SCG5: variants seen among roughly 807,000 people sequenced by gnomAD.
SCG5 encodes the protein neuroendocrine protein 7B2.
Under a neutral mutation model 25.7 loss-of-function variants are expected in SCG5, and 18 were observed. The observed-to-expected ratio is 0.70, with a 90% confidence interval of 0.48 to 1.04. SCG5 has a LOEUF of 1.04. SCG5 is among the 50% of genes least tolerant of loss of function. SCG5 has a pLI of 0.00. For missense variants in SCG5, 206 were observed against 259.8 expected, an observed-to-expected ratio of 0.79 and a Z score of 1.42; for synonymous variants, 101 against 91.7, an observed-to-expected ratio of 1.10 and a Z score of -0.58.
At chr15:32,684,203 T>A (rs1391793861) in intron 3 of SCG5, among the ~76,000 whole-genome samples, 1 of 152,196 alleles carries the variant, frequency 6.6e-6, no homozygotes, top group African/African-American at 2.4e-5. Context: ...GTATTTCAAT[T>A]CCAGGCCTGG....
chr15:32,683,030 T>C (rs1447766326), intron 3 of SCG5, among the ~76,000 whole-genome samples: 1 of 152,220 alleles, frequency 6.6e-6, no homozygotes, highest in Non-Finnish European at 1.5e-5. Flanking sequence ...CATATGCAGA[T>C]TGCCTGAACT....
chr15:32,673,184 G>A (rs2054468650), intron 2 of SCG5: 1 of 152,136 alleles, frequency 6.6e-6, no homozygotes, highest in African/African-American at 2.4e-5. Flanking sequence ...CTTGCAAAGT[G>A]TGAGCAAGTG....
intron 2 of SCG5, among the ~76,000 whole-genome samples, chr15:32,666,121 G>A (rs994114671): frequency 2.0e-5 from 3 of 152,096 alleles, no homozygotes; most frequent in South Asian, 2.1e-4. Flanking sequence ...TCTTTTCCCC[G>A]AATGTTTCTT....
At chr15:32,694,762 A>T (rs1162518746) in intron 5 of SCG5, among the ~76,000 whole-genome samples, 1 of 152,270 alleles carries the variant, frequency 6.6e-6, no homozygotes, top group East Asian at 1.9e-4. Context: ...TTTGTGATGC[A>T]TCTTTGTAGA....
At position 32,688,843 on chromosome 15, in the gene SCG5, C is replaced by A. The variant is rs867229130; in HGVS notation, c.490-2867C>A. The stretch of plus-strand genomic sequence containing the variant: ...GCGCGGTGGCGGGTGCCTGTAGTCC[C>A]AGCTACTTGGGAGGCTGAGGCAGGA... On this transcript the variant is annotated intron_variant, in intron 4 of 5. Transcript: ENST00000300175. Among the ~76,000 whole-genome samples the A allele has an allele frequency of 3.1e-4, 47 of 151,658 alleles. 1 individual carries two copies. In the Middle Eastern group the frequency reaches 0.01, roughly 33 times the overall value.
At chr15:32,665,375 T>A (rs972497714) in intron 2 of SCG5, among the ~76,000 whole-genome samples, 10 of 152,194 alleles carry the variant, frequency 6.6e-5, no homozygotes, top group African/African-American at 1.2e-4. Flanking sequence ...TTTTTTTTTT[T>A]ATTTGTTTGT....
At chr15:32,672,612 G>A (rs1364716835) in intron 2 of SCG5, among the ~76,000 whole-genome samples, 1 of 137,182 alleles carries the variant, frequency 7.3e-6, no homozygotes, top group African/African-American at 2.5e-5. Flanking sequence ...ACCCCGACAG[G>A]TCATTCTACT....
At chr15:32,678,037 T>C (rs1225984205) in intron 2 of SCG5, among the ~76,000 whole-genome samples, 1 of 152,204 alleles carries the variant, frequency 6.6e-6, no homozygotes, top group Non-Finnish European at 1.5e-5. Flanking sequence ...GGTGGGATAA[T>C]TGATTAACTG....
At chr15:32,680,966 C>T (rs530014112) in intron 3 of SCG5, among the ~76,000 whole-genome samples, 8 of 152,294 alleles carry the variant, frequency 5.3e-5, no homozygotes, top group African/African-American at 1.2e-4. Flanking sequence ...TTAACCACTT[C>T]GTACCTCAAT....
intron 5 of SCG5, among the ~76,000 whole-genome samples, chr15:32,693,714 T>C (rs554756638): frequency 7.2e-5 from 11 of 152,340 alleles, no homozygotes; most frequent in Admixed American, 7.2e-4. Context: ...GTTCTTCCAG[T>C]TGTGAAATGG....
At chr15:32,663,076 T>TATAA (rs1555434465) in intron 2 of SCG5, among the ~76,000 whole-genome samples, 8 of 57,104 alleles carry the variant, frequency 1.4e-4, no homozygotes, top group Non-Finnish European at 3.2e-4. Flanking sequence ...TATATATATA[T>TATAA]ATAATATATA....
chr15:32,663,704 T>C (rs531408141), intron 2 of SCG5, among the ~76,000 whole-genome samples: 124 of 152,218 alleles, frequency 8.1e-4, no homozygotes, highest in African/African-American at 2.9e-3. Flanking sequence ...TTTTTTTCAG[T>C]GCCACCAGTG....
chr15:32,671,804 C>T (rs1028441875), intron 2 of SCG5, among the ~76,000 whole-genome samples: 2 of 152,282 alleles, frequency 1.3e-5, no homozygotes, highest in South Asian at 2.1e-4. Flanking sequence ...TGCCTGCGGC[C>T]GGTGTCGCCT....
intron 2 of SCG5, among the ~76,000 whole-genome samples, chr15:32,649,957 T>C (rs1464927795): frequency 6.6e-6 from 1 of 152,074 alleles, no homozygotes; most frequent in East Asian, 1.9e-4. Context: ...AAAATAAAAA[T>C]AAAATAAAAT....
chr15:32,663,032 AATATATATATATATATATAT>A (rs67571496), intron 2 of SCG5, among the ~76,000 whole-genome samples: 2,323 of 79,256 alleles, frequency 0.029, 129 homozygotes, highest in African/African-American at 0.061. Context: ...AAAAAAAAAG[AATATATATATATATATATAT>A]ATATATATAT....
intron 2 of SCG5, among the ~76,000 whole-genome samples, chr15:32,667,552 C>G (rs1430744792): frequency 6.6e-6 from 1 of 152,268 alleles, no homozygotes; most frequent in Non-Finnish European, 1.5e-5. Flanking sequence ...TCACTGTCCA[C>G]ACAGCTTTGT....
chr15:32,683,028 G>T (rs1238846130), intron 3 of SCG5, among the ~76,000 whole-genome samples: 5 of 152,214 alleles, frequency 3.3e-5, no homozygotes, highest in Non-Finnish European at 7.3e-5. Flanking sequence ...GCCATATGCA[G>T]ATTGCCTGAA....
chr15:32,647,994 G>A (rs765728079), intron 2 of SCG5, among the ~76,000 whole-genome samples: 5 of 151,904 alleles, frequency 3.3e-5, no homozygotes, highest in African/African-American at 1.2e-4. Context: ...TGGTGACTCC[G>A]GTGTTTGTAT....
chr15:32,670,053 C>T (rs1424130561), intron 2 of SCG5, among the ~76,000 whole-genome samples: 2 of 152,214 alleles, frequency 1.3e-5, no homozygotes, highest in Non-Finnish European at 2.9e-5. Flanking sequence ...TCTGCCTTCA[C>T]TGTTTGCGTG....
Sources: gnomAD v4.1 joint callset for allele counts (sites outside exome capture counted in the v4.1 genomes callset) on GRCh38, gnomAD v4.1.1 for gene constraint, MANE v1.5 for transcripts, NCBI Gene and HGNC (gene_info 2026-07-23, HGNC 2026-07-21) for gene names.